Variants in SLC23A2 observed in about 807,000 individuals in gnomAD.
SLC23A2 encodes Na(+)/L-ascorbic acid transporter 2.
Under a neutral mutation model 73.3 loss-of-function variants are expected in SLC23A2, and 36 were observed. The observed-to-expected ratio is 0.49, with a 90% confidence interval of 0.38 to 0.65. SLC23A2 has a LOEUF of 0.65. Ranked by LOEUF, SLC23A2 falls within the 30% of genes least tolerant of loss-of-function variation. SLC23A2 has a pLI of 0.00. For synonymous variants in SLC23A2, 343 were observed against 327.3 expected, an observed-to-expected ratio of 1.05 and a Z score of -0.52; for missense variants, 507 against 841.6, an observed-to-expected ratio of 0.60 and a Z score of 4.92.
At chr20:4,915,687 C>T (rs947282067) in intron 3 of SLC23A2, among the ~76,000 whole-genome samples, 17 of 152,288 alleles carry the variant, frequency 1.1e-4, no homozygotes, top group African/African-American at 3.8e-4. Context: ...GTGGCTCATG[C>T]CTGTAATCCC....
At chr20:4,919,316 T>C (rs1018485949) in intron 3 of SLC23A2, among the ~76,000 whole-genome samples, 1 of 152,218 alleles carries the variant, frequency 6.6e-6, no homozygotes, top group South Asian at 2.1e-4. Flanking sequence ...CAGGTGATGC[T>C]GCTGGATGGC....
At chr20:4,958,254 C>T (rs772184498) in intron 2 of SLC23A2, among the ~76,000 whole-genome samples, 11 of 152,146 alleles carry the variant, frequency 7.2e-5, no homozygotes, top group Non-Finnish European at 1.6e-4. Flanking sequence ...ACCAGTGAGC[C>T]GAAAATGCCT....
chr20:4,949,783 A>G (rs1014942027), intron 2 of SLC23A2, among the ~76,000 whole-genome samples: 5 of 152,210 alleles, frequency 3.3e-5, no homozygotes, highest in Admixed American at 1.3e-4. Flanking sequence ...ACAAACAGAT[A>G]GTAATCAATC....
At chr20:4,973,686 C>T (rs1353278833) in intron 1 of SLC23A2, among the ~76,000 whole-genome samples, 2 of 152,346 alleles carry the variant, frequency 1.3e-5, no homozygotes, top group East Asian at 3.9e-4. Context: ...GTGGGTTCCA[C>T]CGCACTCTGG....
At chr20:5,007,775 G>T (rs2122407584) in intron 1 of SLC23A2, among the ~76,000 whole-genome samples, 1 of 152,128 alleles carries the variant, frequency 6.6e-6, no homozygotes, top group East Asian at 1.9e-4. Context: ...GGAATTATAT[G>T]AATTATATAC....
chr20:4,962,601 G>A (rs549510358), intron 2 of SLC23A2, among the ~76,000 whole-genome samples: 30 of 152,328 alleles, frequency 2.0e-4, no homozygotes, highest in African/African-American at 6.3e-4. Flanking sequence ...GTGAGGTCCC[G>A]TGGCCGGATA....
At chr20:5,002,524 T>C (rs1159569003), upstream of SLC23A2, among the ~76,000 whole-genome samples, 3 of 152,246 alleles carry the variant, frequency 2.0e-5, no homozygotes, top group Non-Finnish European at 2.9e-5. Context: ...TTGTAGACGG[T>C]GTCTGTCTGA....
intron 2 of SLC23A2, among the ~76,000 whole-genome samples, chr20:4,963,788 C>T (rs1371276009): frequency 6.6e-6 from 1 of 152,014 alleles, no homozygotes; most frequent in African/African-American, 2.4e-5. Context: ...GCGGAGGTTG[C>T]AGTGAGCTGA....
chr20:4,858,383 C>G (rs1929820868), intron 16 of SLC23A2, among the ~76,000 whole-genome samples: 1 of 152,200 alleles, frequency 6.6e-6, no homozygotes, highest in Non-Finnish European at 1.5e-5. Context: ...TTTCCATCAG[C>G]CTGACTGTTG....
intron 4 of SLC23A2, among the ~76,000 whole-genome samples, chr20:4,911,908 A>T (rs182083661): frequency 7.2e-5 from 11 of 151,954 alleles, no homozygotes; most frequent in Non-Finnish European, 1.5e-4. Context: ...CAGAAGCATG[A>T]TCTTAGCTCA....
upstream of SLC23A2, among the ~76,000 whole-genome samples, chr20:5,004,722 G>A (rs990312041): frequency 3.3e-5 from 5 of 151,758 alleles, no homozygotes; most frequent in East Asian, 7.7e-4. Context: ...AGTTTAGGCC[G>A]GGTGCGGTGG....
At chr20:4,887,033 C>T (rs1324304315) in intron 6 of SLC23A2, among the ~76,000 whole-genome samples, 1 of 152,196 alleles carries the variant, frequency 6.6e-6, no homozygotes, top group African/African-American at 2.4e-5. Context: ...TCAAGACTTC[C>T]TTGTTACAGA....
intron 2 of SLC23A2, among the ~76,000 whole-genome samples, chr20:4,943,534 G>T (rs2087074697): frequency 6.6e-6 from 1 of 151,706 alleles, no homozygotes; most frequent in African/African-American, 2.4e-5. Flanking sequence ...AATTAGCCAG[G>T]CATGGTGGTA....
chr20:4,884,344 G>A (rs1931011176), intron 8 of SLC23A2, among the ~76,000 whole-genome samples: 1 of 152,242 alleles, frequency 6.6e-6, no homozygotes, highest in Admixed American at 6.5e-5. Context: ...CTTCATGTCT[G>A]CTTCTGTTCA....
At chr20:4,870,237 T>C (rs934677641) in intron 11 of SLC23A2, among the ~76,000 whole-genome samples, 184 bp from the exon 12 acceptor site, 31 of 152,196 alleles carry the variant, frequency 2.0e-4, no homozygotes, top group African/African-American at 7.0e-4. Context: ...CTAAGTCAGA[T>C]GAAGGCGGCC....
At chr20:5,001,806 TGAGTGTCCTG>T (rs2088132592), upstream of SLC23A2, among the ~76,000 whole-genome samples, 1 of 152,004 alleles carries the variant, frequency 6.6e-6, no homozygotes. Context: ...CGCTGGTCCC[TGAGTGTCCTG>T]GTCCAGGTCC....
At chr20:4,866,843 G>A (rs939276756) in intron 13 of SLC23A2, among the ~76,000 whole-genome samples, 5 of 152,024 alleles carry the variant, frequency 3.3e-5, no homozygotes, top group Non-Finnish European at 7.4e-5. Context: ...AGGTTTCCGG[G>A]CTCACCCCAA....
chr20:4,927,083 C>T (rs955168592), intron 3 of SLC23A2, among the ~76,000 whole-genome samples: 3 of 152,024 alleles, frequency 2.0e-5, no homozygotes, highest in Non-Finnish European at 2.9e-5. Context: ...ATTTCAGCCT[C>T]GCAAGGCCCT....
intron 6 of SLC23A2, among the ~76,000 whole-genome samples, chr20:4,896,055 G>C (rs1931506896): frequency 1.3e-5 from 2 of 152,214 alleles, no homozygotes; most frequent in Admixed American, 1.3e-4. Context: ...GAACAGGAAG[G>C]GTGGAGGAGT....
Sources: gnomAD v4.1 joint callset for allele counts (sites outside exome capture counted in the v4.1 genomes callset) on GRCh38, gnomAD v4.1.1 for gene constraint, MANE v1.5 for transcripts, NCBI Gene and HGNC (gene_info 2026-07-23, HGNC 2026-07-21) for gene names.